RYR3: variants seen among roughly 807,000 people sequenced by gnomAD.
The protein encoded by RYR3 is brain ryanodine receptor-calcium release channel.
Under a neutral mutation model 584.3 loss-of-function variants are expected in RYR3, and 207 were observed. That is an observed-to-expected ratio of 0.35 (90% CI 0.32 to 0.40). The LOEUF (loss-of-function observed/expected upper bound fraction) is 0.40, where lower values mean the gene tolerates loss of function less well. RYR3 is among the 10% of genes least tolerant of loss of function. The pLI, the probability that RYR3 is intolerant of heterozygous loss-of-function variation, is 1.00. For synonymous variants in RYR3, 2,416 were observed against 2,248.5 expected, an observed-to-expected ratio of 1.07 and a Z score of -2.11; for missense variants, 5,616 against 6,089.2, an observed-to-expected ratio of 0.92 and a Z score of 2.59.
chr15:33,590,614 C>G (rs1398475462), intron 16 of RYR3, among the ~76,000 whole-genome samples: 1 of 147,146 alleles, frequency 6.8e-6, no homozygotes, highest in South Asian at 2.2e-4. Context: ...AGGTCTTTCA[C>G]CTCCTTGGTT....
chr15:33,339,762 G>A (rs1241844659), intron 1 of RYR3, among the ~76,000 whole-genome samples: 1 of 151,978 alleles, frequency 6.6e-6, no homozygotes, highest in African/African-American at 2.4e-5. Context: ...AGTGGTGGGC[G>A]CCTGTAGTCC....
intron 92 of RYR3, among the ~76,000 whole-genome samples, chr15:33,844,548 C>G (rs2078589115): frequency 6.6e-6 from 1 of 152,188 alleles, no homozygotes; most frequent in African/African-American, 2.4e-5. Flanking sequence ...TCCTCTCAGG[C>G]CACAGCATGA....
At chr15:33,456,349 G>A (rs1239434428) in intron 1 of RYR3, among the ~76,000 whole-genome samples, 1 of 152,208 alleles carries the variant, frequency 6.6e-6, no homozygotes, top group African/African-American at 2.4e-5. Context: ...CTGACTGTTT[G>A]TAGGCAGCGA....
chr15:33,397,867 A>G (rs1167209487), intron 1 of RYR3, among the ~76,000 whole-genome samples: 2 of 152,084 alleles, frequency 1.3e-5, no homozygotes, highest in Non-Finnish European at 2.9e-5. Flanking sequence ...TAAACCACAG[A>G]AGAGGGGGGT....
At chr15:33,540,998 C>T in intron 7 of RYR3, 108 bp downstream of exon 7, 1 of 674,316 alleles carries the variant, frequency 1.5e-6, no homozygotes, top group Non-Finnish European at 2.6e-6. Context: ...TCTTGGTACA[C>T]AGGTAGCCTG....
Position 33,699,664 on chromosome 15 carries a change from A to G in RYR3, c.6250-40A>G, listed in dbSNP as rs754933667. On this transcript the variant is annotated intron_variant, in intron 40 of 103. Transcript: ENST00000634891. ...TCAGAGTTTTCAGAAAGGCCTCATG[A>G]TAGATTCTTTTGTCTGACACTTTCT... 5 of 1,598,738 alleles carry G rather than the reference A, an allele frequency of 3.1e-6. No individual in the cohort carries two copies. In the African/African-American group the frequency reaches 5.4e-5, roughly 17 times the overall value.
At position 33,776,051 on chromosome 15, in the gene RYR3, A is replaced by C. The variant is rs115936141; in HGVS notation, c.9137+2436A>C. ...TCATTTCTTGTGGGTTTCACAGAGGAAAGTACAATGAACCCACCATTTCTC... is the reference window on the plus strand; with the variant it reads ...TCATTTCTTGTGGGTTTCACAGAGGCAAGTACAATGAACCCACCATTTCTC... On this transcript the variant is annotated intron_variant, in intron 64 of 103. Transcript: ENST00000634891. 4.4e-3 allele frequency among the ~76,000 whole-genome samples: 668 copies of C among 152,308 alleles called. 4 individuals are homozygous for C. The highest frequency in any genetic ancestry group is 0.015 in the African/African-American group (624 of 41,572).
At chr15:33,770,447 C>T (rs2073475587) in intron 62 of RYR3, among the ~76,000 whole-genome samples, 1 of 152,048 alleles carries the variant, frequency 6.6e-6, no homozygotes, top group African/African-American at 2.4e-5. Flanking sequence ...CCTGACAAAA[C>T]CTGGGACTAG....
At chr15:33,474,160 T>C (rs2049167028) in intron 2 of RYR3, among the ~76,000 whole-genome samples, 1 of 152,212 alleles carries the variant, frequency 6.6e-6, no homozygotes, top group Non-Finnish European at 1.5e-5. Context: ...TCAGCATTCT[T>C]GCAGTGCTTT....
chr15:33,812,244 A>G (rs1331282726), intron 72 of RYR3, among the ~76,000 whole-genome samples: 2 of 152,200 alleles, frequency 1.3e-5, no homozygotes, highest in Non-Finnish European at 2.9e-5. Context: ...AGATACCAAT[A>G]GGTAAAATTC....
At position 33,861,082 on chromosome 15, in the gene RYR3, A is replaced by C. The variant is rs893638683; in HGVS notation, c.14369A>C (p.Lys4790Thr). ...QEQVREDMET[K>T]CFICGIGNDY... is the part of the protein sequence containing the mutation. ...TCTGCCTGTTATTTTTCTTAGACTA[A>C]ATGTTTCATCTGTGGGATTGGCAAT... Residue 4790 changes from lysine to threonine, a missense_variant, in exon 102 of 104, where the codon AAA becomes ACA. Physicochemically the swap from Lys to Thr is moderately conservative, Grantham distance 78. Around this residue, in one of 9 missense-constraint regions of RYR3, gnomAD observed 918 missense variants for 887.4 expected, o/e 1.03. Transcript: ENST00000634891. The C allele has an allele frequency of 6.3e-7, 1 of 1,583,316 alleles. No individual in the cohort carries two copies. The highest frequency in any genetic ancestry group is 8.6e-7 in the Non-Finnish European group (1 of 1,162,942).
chr15:33,829,416 A>G (rs932831036), intron 85 of RYR3, among the ~76,000 whole-genome samples: 1 of 152,122 alleles, frequency 6.6e-6, no homozygotes, highest in Non-Finnish European at 1.5e-5. Flanking sequence ...GGTAAGTTGA[A>G]AACCTTCTGG....
At chr15:33,672,034 G>A (rs535385639) in intron 38 of RYR3, among the ~76,000 whole-genome samples, 100 of 151,814 alleles carry the variant, frequency 6.6e-4, no homozygotes, top group African/African-American at 2.3e-3. Context: ...GGTTGGTCTC[G>A]AACTTTTGAC....
intron 27 of RYR3, among the ~76,000 whole-genome samples, chr15:33,642,954 G>C (rs755848123): frequency 6.6e-6 from 1 of 152,158 alleles, no homozygotes; most frequent in African/African-American, 2.4e-5. Flanking sequence ...TGAGTTTATA[G>C]TTTCTAAAAG....
intron 2 of RYR3, among the ~76,000 whole-genome samples, chr15:33,485,947 G>A (rs2077922): frequency 0.14 from 21,670 of 152,066 alleles, 3,995 homozygotes; most frequent in African/African-American, 0.43. Context: ...TAAATAGTAG[G>A]GAGAGTAGTT....
intron 19 of RYR3, among the ~76,000 whole-genome samples, chr15:33,617,281 A>G (rs112224474): frequency 0.18 from 26,542 of 151,650 alleles, 2,523 homozygotes; most frequent in African/African-American, 0.24. Context: ...GCGTGGTGGC[A>G]GGCGCCTGTA....
chr15:33,402,683 C>T (rs894777432), intron 1 of RYR3, among the ~76,000 whole-genome samples: 1 of 152,202 alleles, frequency 6.6e-6, no homozygotes, highest in Non-Finnish European at 1.5e-5. Context: ...AGCATAAATC[C>T]TGCACAGACT....
chr15:33,368,365 C>T (rs970714080), intron 1 of RYR3, among the ~76,000 whole-genome samples: 17 of 65,762 alleles, frequency 2.6e-4, no homozygotes, highest in Non-Finnish European at 3.3e-4. Context: ...TTTTTTTTTA[C>T]CATGGTGGCT....
chr15:33,833,891 T>G (rs1468835530), intron 86 of RYR3, among the ~76,000 whole-genome samples: 2 of 152,216 alleles, frequency 1.3e-5, no homozygotes, highest in Non-Finnish European at 2.9e-5. Flanking sequence ...TTTTAGAACT[T>G]TCTTATTGAG....
Sources: allele counts gnomAD v4.1 joint callset (sites outside exome capture counted in the v4.1 genomes callset), GRCh38; gene constraint gnomAD v4.1.1; regional missense constraint gnomAD v4.1.1; transcripts MANE v1.5; gene names NCBI Gene and HGNC (gene_info 2026-07-23, HGNC 2026-07-21).